The following AGBL2 variants were observed in gnomAD, a reference collection of about 807,000 sequenced individuals.
The protein encoded by AGBL2 is AGBL carboxypeptidase 2, also known as cytosolic carboxypeptidase 2.
AGBL2 carries 87 observed loss-of-function variants against 103.0 expected under a neutral mutation model. The observed-to-expected ratio is 0.84, with a 90% CI of 0.71 to 1.01. AGBL2 has a LOEUF of 1.01. Among genes scored for constraint, AGBL2 ranks in the 50% least tolerant of loss-of-function variants. The pLI, the probability that AGBL2 is intolerant of heterozygous loss-of-function variation, is 0.00. For missense variants in AGBL2, 904 were observed against 1,023.5 expected, an observed-to-expected ratio of 0.88 and a Z score of 1.59; for synonymous variants, 335 against 356.7, an observed-to-expected ratio of 0.94 and a Z score of 0.69.
intron 17 of AGBL2, among the ~76,000 whole-genome samples, chr11:47,666,002 C>CT (rs978805594): frequency 6.6e-6 from 1 of 151,824 alleles, no homozygotes; most frequent in African/African-American, 2.4e-5. Context: ...GAATGAGACT[C>CT]TGTCTCAAAA....
rs547882658 is a variant in AGBL2 at position 47,659,899 on chromosome 11, G to T, written c.*274C>A. On this transcript the variant is annotated 3_prime_UTR_variant, in exon 19 of 19. Transcript: ENST00000525123. ...AAATGAGGTATATCTGTGCTGCCAT[G>T]AAGTGTGCCATGAGAACACACTTCA... 2.4e-4 allele frequency: 77 copies of T among 316,432 alleles called. No individual in the cohort carries two copies. The highest frequency in any genetic ancestry group is 3.8e-4 in the Admixed American group (8 of 20,942). The allele number at this position is 316,432 out of a possible 1,614,324, so 19.6% of individuals were successfully genotyped here.
chr11:47,688,818 C>T (rs1463978567), intron 10 of AGBL2, among the ~76,000 whole-genome samples: 2 of 152,146 alleles, frequency 1.3e-5, no homozygotes, highest in African/African-American at 4.8e-5. Context: ...TCATTGCAAC[C>T]TCTGCCTCCC....
At chr11:47,678,121 G>T (rs905181835) in intron 13 of AGBL2, among the ~76,000 whole-genome samples, 2 of 151,046 alleles carry the variant, frequency 1.3e-5, no homozygotes, top group Non-Finnish European at 2.9e-5. Flanking sequence ...ACACCACCAC[G>T]CCCAGCTAAT....
At chr11:47,706,565 G>A (rs1052396220) in intron 4 of AGBL2, among the ~76,000 whole-genome samples, 2 of 151,942 alleles carry the variant, frequency 1.3e-5, no homozygotes, top group African/African-American at 4.8e-5. Flanking sequence ...AATATGACAG[G>A]TGCCCTTATA....
rs766792595 is a variant in AGBL2 at position 47,660,258 on chromosome 11, C to T, written c.2624G>A (p.Trp875Ter). The T allele has an allele frequency of 2.0e-5, 33 of 1,614,102 alleles. No homozygotes were observed. Among genetic ancestry groups the T allele is most frequent in the Non-Finnish European group, 2.6e-5 (31 of 1,180,048 alleles). The part of the protein sequence containing the change: ...QEPAPGMKPN[W>*]PRSRYPATKR... Reference sequence around the variant, plus strand: ...TGTGGCAGGATATCTGCTCCTAGGCCAGTTTGGCTTCATACCTGGAGCTGG... The same window carrying T: ...TGTGGCAGGATATCTGCTCCTAGGCTAGTTTGGCTTCATACCTGGAGCTGG... Residue 875 changes from tryptophan to a stop codon, truncating the protein, a stop_gained, in exon 19 of 19, where the codon TGG becomes TAG. Coordinates refer to ENST00000525123, the MANE Select transcript of AGBL2 (RefSeq NM_024783.4). LOFTEE classifies it low-confidence loss of function (END_TRUNC).
In AGBL2 at chr11:47,660,123, T is replaced by C; in HGVS notation, c.*50A>G. 3 of 1,554,550 alleles carry C rather than the reference T, an allele frequency of 1.9e-6. No homozygotes were observed. The highest frequency in any genetic ancestry group is 2.6e-6 in the Non-Finnish European group (3 of 1,148,142). On this transcript the variant is annotated 3_prime_UTR_variant, in exon 19 of 19. Coordinates refer to ENST00000525123, the MANE Select transcript of AGBL2 (RefSeq NM_024783.4). ...CATCTCCCCCATTATAAAATGTGTC[T>C]AATCTCAAAACCCCCGATGAAGTGC...
Position 47,659,928 on chromosome 11 carries a change from T to G in AGBL2, c.*245A>C, listed in dbSNP as rs933932016. On this transcript the variant is annotated 3_prime_UTR_variant, in exon 19 of 19. Transcript: ENST00000525123. The stretch of plus-strand genomic sequence containing the variant: ...TGTGCCATGAGAACACACTTCAGTT[T>G]CTGATAAAGCATTTTTACACATCAT... 8.1e-6 allele frequency: 3 copies of G among 372,488 alleles called. No individual in the cohort carries two copies. In the South Asian group the frequency reaches 2.8e-4, roughly 35 times the overall value. 23.1% of individuals were successfully genotyped at this position (372,488 alleles called of 1,614,324 possible).
intron 8 of AGBL2, among the ~76,000 whole-genome samples, chr11:47,692,526 C>T (rs1359050630): frequency 2.0e-5 from 3 of 147,742 alleles, no homozygotes; most frequent in South Asian, 4.3e-4. Context: ...ATTGTCCTGC[C>T]TCAGCCTCCC....
chr11:47,692,299 C>T, intron 8 of AGBL2, 43 bp from the exon 9 acceptor site: 1 of 1,576,900 alleles, frequency 6.3e-7, no homozygotes, highest in Non-Finnish European at 8.7e-7. Context: ...TACTCAGAAT[C>T]CACTCATTCA....
intron 10 of AGBL2, 98 bp from the exon 11 acceptor site, chr11:47,686,147 C>A: frequency 8.0e-7 from 1 of 1,252,256 alleles, no homozygotes; most frequent in Non-Finnish European, 1.1e-6. Context: ...GCTGTTAATA[C>A]TTTCCCTCCT....
intron 11 of AGBL2, among the ~76,000 whole-genome samples, chr11:47,684,726 T>G (rs1461023985): frequency 6.6e-6 from 1 of 152,154 alleles, no homozygotes; most frequent in Non-Finnish European, 1.5e-5. Flanking sequence ...GTCACAAAAT[T>G]AGTCAATTAT....
chr11:47,660,867 A>T lies in AGBL2; in HGVS notation c.2536-521T>A, dbSNP rs539159173. ...CACCACGCCGGCCAACATGGGCAAC[A>T]TTTTAATTGCCCCCAAAAGCAGAAG... On this transcript the variant is annotated intron_variant, in intron 18 of 18. Transcript: ENST00000525123. Among the ~76,000 whole-genome samples, 6 of 152,242 alleles carry T rather than the reference A, an allele frequency of 3.9e-5. No homozygotes were observed. In the East Asian group the frequency reaches 1.2e-3, roughly 29 times the overall value.
chr11:47,685,006 A>C lies in AGBL2; in HGVS notation c.1788+887T>G, dbSNP rs751546508. 1.6e-4 allele frequency among the ~76,000 whole-genome samples: 25 copies of C among 152,228 alleles called. No individual in the cohort carries two copies. In the South Asian group the frequency reaches 1.9e-3, roughly 11 times the overall value. ...CGGATCACTTGAGGTCAGGAGTTTGAGAACAGCTTAGCCAACGTGGTGAAA... is the reference window on the plus strand; with the variant it reads ...CGGATCACTTGAGGTCAGGAGTTTGCGAACAGCTTAGCCAACGTGGTGAAA... On this transcript the variant is annotated intron_variant, in intron 11 of 18. Transcript: ENST00000525123.
intron 17 of AGBL2, among the ~76,000 whole-genome samples, chr11:47,665,987 T>C (rs1046760900): frequency 6.6e-6 from 1 of 151,664 alleles, no homozygotes; most frequent in Non-Finnish European, 1.5e-5. Flanking sequence ...CAAGCCTGCG[T>C]GACAGAATGA....
At chr11:47,664,036 G>A (rs761764850) in intron 17 of AGBL2, among the ~76,000 whole-genome samples, 5 of 151,652 alleles carry the variant, frequency 3.3e-5, no homozygotes, top group Non-Finnish European at 5.9e-5. Context: ...TATATTTTTA[G>A]TGGAGACAGG....
At chr11:47,687,542 G>A (rs1266612272) in intron 10 of AGBL2, among the ~76,000 whole-genome samples, 1 of 149,886 alleles carries the variant, frequency 6.7e-6, no homozygotes, top group Non-Finnish European at 1.5e-5. Context: ...AAAAAAAAAT[G>A]AACTCCGTCT....
intron 3 of AGBL2, among the ~76,000 whole-genome samples, chr11:47,712,294 T>G (rs889590300): frequency 6.6e-6 from 1 of 152,080 alleles, no homozygotes; most frequent in Non-Finnish European, 1.5e-5. Flanking sequence ...GGGGGACTAA[T>G]GTAGTTAATA....
In AGBL2 at chr11:47,679,973, CT is replaced by C; in HGVS notation, c.2015del (p.Lys672SerfsTer6). The C allele has an allele frequency of 6.3e-7, 1 of 1,593,236 alleles. No homozygotes were observed. The highest frequency in any genetic ancestry group is 2.2e-5 in the East Asian group (1 of 44,660). Reference sequence around the variant, plus strand: ...ACATTTCTTGAAACCCCATTTTTACCTTCATTTGGTCAGGATCACAAAAGTC... The same window carrying C: ...ACATTTCTTGAAACCCCATTTTTACCTCATTTGGTCAGGATCACAAAAGTC... ...LLDFCDPDQM[K>X]FTQCLAELKE... On this transcript the variant is annotated frameshift_variant and splice_region_variant, in exon 13 of 19. Coordinates refer to ENST00000525123, the MANE Select transcript of AGBL2 (RefSeq NM_024783.4). LOFTEE classifies it high-confidence loss of function.
chr11:47,668,987 T>G, intron 14 of AGBL2, 80 bp from the exon 15 acceptor site: 4 of 941,444 alleles, frequency 4.2e-6, no homozygotes, highest in Non-Finnish European at 6.9e-6. Context: ...AGACCAGCTG[T>G]ATGGGATTAG....
Sources: allele counts gnomAD v4.1 joint callset (sites outside exome capture counted in the v4.1 genomes callset), GRCh38; gene constraint gnomAD v4.1.1; transcripts MANE v1.5; gene names NCBI Gene and HGNC (gene_info 2026-07-23, HGNC 2026-07-21).